The following CNTN5 variants were observed in gnomAD, a reference collection of about 807,000 sequenced individuals.
The protein encoded by CNTN5 is contactin 5, also known as contactin-5.
CNTN5 carries 77 observed loss-of-function variants against 129.1 expected under a neutral mutation model. That is an observed-to-expected ratio of 0.60 (90% CI 0.50 to 0.72). CNTN5 has a LOEUF of 0.72. Ranked by LOEUF, CNTN5 falls within the 30% of genes least tolerant of loss-of-function variation. The probability of loss-of-function intolerance (pLI) is 0.00; values close to 1 mark genes in which losing one functional copy is unlikely to be tolerated. For synonymous variants in CNTN5, 509 were observed against 465.6 expected, an observed-to-expected ratio of 1.09 and a Z score of -1.20; for missense variants, 1,478 against 1,328.8, an observed-to-expected ratio of 1.11 and a Z score of -1.75.
chr11:99,421,470 G>A (rs1411029572), intron 2 of CNTN5, among the ~76,000 whole-genome samples: 2 of 152,058 alleles, frequency 1.3e-5, no homozygotes, highest in Non-Finnish European at 1.5e-5. Context: ...TTTGCTCTTC[G>A]TCGCTGTTGC....
At chr11:99,853,886 G>A (rs1248044317) in intron 6 of CNTN5, among the ~76,000 whole-genome samples, 1 of 151,924 alleles carries the variant, frequency 6.6e-6, no homozygotes, top group Non-Finnish European at 1.5e-5. Flanking sequence ...CAGCCACACA[G>A]CTAGTAAGTA....
At chr11:100,041,692 T>C (rs1384277281) in intron 9 of CNTN5, among the ~76,000 whole-genome samples, 1 of 152,236 alleles carries the variant, frequency 6.6e-6, no homozygotes, top group Admixed American at 6.5e-5. Context: ...CATTTATTGC[T>C]TTCAGTGCTA....
intron 3 of CNTN5, among the ~76,000 whole-genome samples, chr11:99,572,948 A>G (rs1257207981): frequency 6.6e-6 from 1 of 152,158 alleles, no homozygotes; most frequent in East Asian, 1.9e-4. Context: ...ATGCGGGAGA[A>G]CAGTGGAGCC....
intron 3 of CNTN5, among the ~76,000 whole-genome samples, chr11:99,779,038 T>G (rs971360603): frequency 2.0e-5 from 3 of 151,886 alleles, no homozygotes; most frequent in Non-Finnish European, 4.4e-5. Context: ...ATCAGAAAAT[T>G]TTTAAAAAGA....
At chr11:99,580,817 G>T (rs1316940217) in intron 3 of CNTN5, among the ~76,000 whole-genome samples, 2 of 116,414 alleles carry the variant, frequency 1.7e-5, no homozygotes, top group Non-Finnish European at 1.8e-5. Flanking sequence ...GGGTTTTTTT[G>T]TGTCTTTATT....
At chr11:100,105,201 G>A (rs1007431249) in intron 13 of CNTN5, among the ~76,000 whole-genome samples, 1 of 152,160 alleles carries the variant, frequency 6.6e-6, no homozygotes, top group Non-Finnish European at 1.5e-5. Flanking sequence ...GCTGCTGAGG[G>A]GGAGAGATAG....
At chr11:100,338,198 G>A (rs1056296695) in intron 21 of CNTN5, among the ~76,000 whole-genome samples, 3 of 152,150 alleles carry the variant, frequency 2.0e-5, no homozygotes, top group African/African-American at 7.2e-5. Flanking sequence ...TCCATTTCTT[G>A]TTCCTTTTGC....
chr11:99,613,594 A>G (rs185933209), intron 3 of CNTN5, among the ~76,000 whole-genome samples: 2 of 152,340 alleles, frequency 1.3e-5, no homozygotes, highest in East Asian at 3.9e-4. Flanking sequence ...AAGAAGAGAG[A>G]GAAAAAGTAC....
At chr11:99,177,320 A>G (rs2135554908) in intron 1 of CNTN5, among the ~76,000 whole-genome samples, 1 of 152,166 alleles carries the variant, frequency 6.6e-6, no homozygotes, top group Non-Finnish European at 1.5e-5. Flanking sequence ...TCCACTATAT[A>G]ATGTCTATAT....
chr11:99,705,602 T>C (rs111480548), intron 3 of CNTN5, among the ~76,000 whole-genome samples: 2 of 151,512 alleles, frequency 1.3e-5, no homozygotes, highest in African/African-American at 4.8e-5. Flanking sequence ...CTAGAGCAAC[T>C]CATTTTTGTT....
chr11:99,356,122 G>A (rs72985719), intron 2 of CNTN5, among the ~76,000 whole-genome samples: 5,297 of 152,004 alleles, frequency 0.035, 99 homozygotes, highest in African/African-American at 0.044. Flanking sequence ...CACCGCGCCC[G>A]GCCTCTGTCA....
intron 1 of CNTN5, among the ~76,000 whole-genome samples, chr11:99,084,646 C>T (rs1042290087): frequency 5.3e-5 from 8 of 152,008 alleles, no homozygotes; most frequent in Non-Finnish European, 8.8e-5. Flanking sequence ...ACTGAATTTA[C>T]CTTTTTCTTC....
chr11:99,902,880 C>T (rs60396602), intron 6 of CNTN5, among the ~76,000 whole-genome samples: 15,985 of 151,970 alleles, frequency 0.11, 1,274 homozygotes, highest in East Asian at 0.35. Context: ...GGGCCAAGGA[C>T]GGGGAGCAGA....
chr11:99,628,637 CA>C (rs1951222481), intron 3 of CNTN5, among the ~76,000 whole-genome samples: 1 of 151,142 alleles, frequency 6.6e-6, no homozygotes, highest in Non-Finnish European at 1.5e-5. Flanking sequence ...CACACACACA[CA>C]CACACACACA....
At chr11:99,245,726 C>T (rs1861783086) in intron 1 of CNTN5, among the ~76,000 whole-genome samples, 1 of 152,204 alleles carries the variant, frequency 6.6e-6, no homozygotes, top group Admixed American at 6.6e-5. Context: ...GTACATGTTT[C>T]TGTCATCTAA....
chr11:99,938,150 G>A (rs1950356130), intron 7 of CNTN5, among the ~76,000 whole-genome samples: 1 of 152,060 alleles, frequency 6.6e-6, no homozygotes, highest in Non-Finnish European at 1.5e-5. Flanking sequence ...TGAGATCTGT[G>A]ATACTTATAG....
At chr11:100,122,205 C>T (rs961605073) in intron 13 of CNTN5, among the ~76,000 whole-genome samples, 15 of 152,040 alleles carry the variant, frequency 9.9e-5, no homozygotes, top group South Asian at 2.1e-4. Flanking sequence ...GACCTGAGAA[C>T]GGGGTGATGG....
At chr11:99,662,797 TAAAG>T (rs934956087) in intron 3 of CNTN5, among the ~76,000 whole-genome samples, 11 of 152,228 alleles carry the variant, frequency 7.2e-5, no homozygotes, top group African/African-American at 2.4e-4. Flanking sequence ...TTTTTAGAAA[TAAAG>T]AATCTCAGAC....
intron 6 of CNTN5, among the ~76,000 whole-genome samples, chr11:99,855,760 A>G (rs1948013092): frequency 6.6e-6 from 1 of 152,212 alleles, no homozygotes; most frequent in African/African-American, 2.4e-5. Flanking sequence ...TCAAACTAGA[A>G]AAATTTAGAG....
Sources: gnomAD v4.1 joint callset for allele counts (sites outside exome capture counted in the v4.1 genomes callset) on GRCh38, gnomAD v4.1.1 for gene constraint, MANE v1.5 for transcripts, NCBI Gene and HGNC (gene_info 2026-07-23, HGNC 2026-07-21) for gene names.